Variants in TTC28 observed in about 807,000 individuals in gnomAD.
The protein encoded by TTC28 is tetratricopeptide repeat protein 28.
Under a neutral mutation model 198.0 loss-of-function variants are expected in TTC28, and 61 were observed. That is an observed-to-expected ratio of 0.31 (90% CI 0.25 to 0.38). The LOEUF (loss-of-function observed/expected upper bound fraction) is 0.38. Among genes scored for constraint, TTC28 ranks in the 10% least tolerant of loss-of-function variants. TTC28 has a pLI of 1.00. For synonymous variants in TTC28, 1,171 were observed against 1,297.8 expected (o/e 0.90, Z 2.10); for missense variants, 2,678 against 3,164.0 (o/e 0.85, Z 3.69).
chr22:28,383,049 A>G (rs1264001166), intron 2 of TTC28, among the ~76,000 whole-genome samples: 1 of 152,156 alleles, frequency 6.6e-6, no homozygotes, highest in Non-Finnish European at 1.5e-5. Context: ...TTTGACCTCA[A>G]TGGCTTCATT....
intron 2 of TTC28, among the ~76,000 whole-genome samples, chr22:28,352,924 G>A (rs75431493): frequency 7.5e-4 from 114 of 152,176 alleles, no homozygotes; most frequent in Admixed American, 1.4e-3. Flanking sequence ...AGGACAGCAT[G>A]AAAAATAACA....
At chr22:28,298,584 G>A (rs908677058) in intron 3 of TTC28, among the ~76,000 whole-genome samples, 1 of 152,010 alleles carries the variant, frequency 6.6e-6, no homozygotes, top group African/African-American at 2.4e-5. Context: ...AAGTAGCTAG[G>A]ACCACAGGCA....
chr22:28,647,306 C>G (rs537698698), intron 1 of TTC28, among the ~76,000 whole-genome samples: 123 of 152,222 alleles, frequency 8.1e-4, no homozygotes, highest in African/African-American at 2.8e-3. Flanking sequence ...AGGAAAAACT[C>G]TTCTGGACAT....
At chr22:28,079,392 T>C (rs924914799) in intron 12 of TTC28, among the ~76,000 whole-genome samples, 1 of 152,186 alleles carries the variant, frequency 6.6e-6, no homozygotes, top group Non-Finnish European at 1.5e-5. Flanking sequence ...AAATTTATTC[T>C]CGTAACCATT....
At chr22:28,468,236 C>T (rs375436043) in intron 2 of TTC28, among the ~76,000 whole-genome samples, 5 of 152,118 alleles carry the variant, frequency 3.3e-5, no homozygotes, top group Non-Finnish European at 5.9e-5. Context: ...CCCTGCAGCA[C>T]GTCTGCAGCT....
intron 21 of TTC28, chr22:27,986,109 G>C (rs759808269): frequency 3.3e-5 from 5 of 152,238 alleles, no homozygotes; most frequent in Non-Finnish European, 5.9e-5. Context: ...GATATGGTTT[G>C]GCTCTGTGTC....
chr22:28,430,893 A>G (rs2047420130), intron 2 of TTC28, among the ~76,000 whole-genome samples: 1 of 151,928 alleles, frequency 6.6e-6, no homozygotes, highest in Admixed American at 6.6e-5. Context: ...AAAAGAAAAA[A>G]AAAAAAAAAA....
At chr22:28,476,920 T>C (rs1251570117) in intron 2 of TTC28, among the ~76,000 whole-genome samples, 4 of 152,126 alleles carry the variant, frequency 2.6e-5, no homozygotes, top group African/African-American at 9.7e-5. Context: ...AACAATTACA[T>C]AGTATGCAGC....
intron 2 of TTC28, among the ~76,000 whole-genome samples, chr22:28,387,648 A>C (rs2046632884): frequency 6.6e-6 from 1 of 152,186 alleles, no homozygotes; most frequent in Non-Finnish European, 1.5e-5. Context: ...TCTTCTTTTG[A>C]GAAGTGTCTG....
rs577606114 is a variant in TTC28 at position 28,679,736 on chromosome 22, C to T, written c.-13G>A. The T allele has an allele frequency of 1.0e-4, 123 of 1,211,558 alleles. No individual in the cohort carries two copies. The African/African-American group carries it at 1.8e-3, about 18-fold the overall frequency. 75.1% of individuals were successfully genotyped at this position (1,211,558 alleles called of 1,614,324 possible). A position where few individuals can be genotyped will look rare whatever the true frequency, so the allele number is the denominator to read the frequency against. On this transcript the variant is annotated 5_prime_UTR_variant, in exon 1 of 23. Coordinates refer to ENST00000397906, the MANE Select transcript of TTC28 (RefSeq NM_001145418.2). Reference sequence around the variant, plus strand: ...GCGACTGCTCCATCCCCACGGGGCCCGGGCCGCGTCCGCCTCGAGCTAACG... The same window carrying T: ...GCGACTGCTCCATCCCCACGGGGCCTGGGCCGCGTCCGCCTCGAGCTAACG...
chr22:28,533,145 T>G (rs1033236369), intron 2 of TTC28, among the ~76,000 whole-genome samples: 2 of 152,192 alleles, frequency 1.3e-5, no homozygotes, highest in East Asian at 3.8e-4. Context: ...CATGGTTGTA[T>G]ATCTAGAAAA....
At chr22:28,493,870 G>C (rs1342669709) in intron 2 of TTC28, among the ~76,000 whole-genome samples, 2 of 152,136 alleles carry the variant, frequency 1.3e-5, no homozygotes, top group Non-Finnish European at 2.9e-5. Flanking sequence ...CACATCATTG[G>C]TCCTGTCTCT....
chr22:28,602,256 A>G (rs2050651552), intron 2 of TTC28, among the ~76,000 whole-genome samples: 1 of 152,236 alleles, frequency 6.6e-6, no homozygotes, highest in African/African-American at 2.4e-5. Flanking sequence ...CACCTGGTAC[A>G]GATCTGATAC....
intron 2 of TTC28, among the ~76,000 whole-genome samples, chr22:28,310,707 AT>A (rs2045240857): frequency 1.3e-5 from 2 of 152,202 alleles, no homozygotes; most frequent in Admixed American, 1.3e-4. Flanking sequence ...TGTACAATGC[AT>A]AACCTAGTAC....
At chr22:28,613,620 C>T (rs1425890957) in intron 2 of TTC28, among the ~76,000 whole-genome samples, 1 of 152,194 alleles carries the variant, frequency 6.6e-6, no homozygotes, top group Non-Finnish European at 1.5e-5. Flanking sequence ...TGGGCTTCAT[C>T]CCTGGGATGC....
At chr22:28,627,513 C>T (rs1320859707) in intron 2 of TTC28, among the ~76,000 whole-genome samples, 1 of 150,598 alleles carries the variant, frequency 6.6e-6, no homozygotes, top group Non-Finnish European at 1.5e-5. Flanking sequence ...CTCACTGCAA[C>T]CTCTGCCTCT....
chr22:28,408,003 T>C (rs1197262172), intron 2 of TTC28, among the ~76,000 whole-genome samples: 1 of 152,238 alleles, frequency 6.6e-6, no homozygotes, highest in Non-Finnish European at 1.5e-5. Flanking sequence ...ACCTCTCTTA[T>C]ATTTTAGTAA....
intron 6 of TTC28, among the ~76,000 whole-genome samples, chr22:28,133,328 C>G (rs888719113): frequency 3.9e-5 from 6 of 152,340 alleles, no homozygotes; most frequent in South Asian, 2.1e-4. Flanking sequence ...TTCTGCATTT[C>G]CAACTGAGGT....
chr22:27,992,344 A>C, intron 19 of TTC28: 1 of 554,186 alleles, frequency 1.8e-6, no homozygotes, highest in Non-Finnish European at 3.2e-6. Flanking sequence ...ACGACCTCCC[A>C]TCATGCCGGT....
Sources: allele counts gnomAD v4.1 joint callset (sites outside exome capture counted in the v4.1 genomes callset), GRCh38; gene constraint gnomAD v4.1.1; transcripts MANE v1.5; gene names NCBI Gene and HGNC (gene_info 2026-07-23, HGNC 2026-07-21).